COL24A1: variants seen among roughly 807,000 people sequenced by gnomAD.
The protein encoded by COL24A1 is collagen alpha-1(XXIV) chain.
A neutral mutation model predicts 253.9 loss-of-function variants in COL24A1; 224 were observed. The observed-to-expected ratio is 0.88, with a 90% CI of 0.79 to 0.99. COL24A1 has a LOEUF of 0.99. Among genes scored for constraint, COL24A1 ranks in the 50% least tolerant of loss-of-function variants. The probability of loss-of-function intolerance (pLI) is 0.00; values close to 1 mark genes in which losing one functional copy is unlikely to be tolerated. For missense variants in COL24A1, 2,131 were observed against 2,068.5 expected, an observed-to-expected ratio of 1.03 and a Z score of -0.59; for synonymous variants, 685 against 673.7, an observed-to-expected ratio of 1.02 and a Z score of -0.26.
At chr1:85,933,087 TAAAAAAAAAAA>T (rs747954578) in intron 24 of COL24A1, among the ~76,000 whole-genome samples, 1 of 123,630 alleles carries the variant, frequency 8.1e-6, no homozygotes, top group African/African-American at 3.2e-5. Context: ...TAGAGTATAA[TAAAAAAAAAAA>T]AAAGAAAGAA....
intron 43 of COL24A1, among the ~76,000 whole-genome samples, chr1:85,831,747 C>G (rs1020583485): frequency 6.6e-6 from 1 of 151,890 alleles, no homozygotes; most frequent in African/African-American, 2.4e-5. Flanking sequence ...GACATTCTGG[C>G]AGAGGCAATA....
intron 43 of COL24A1, among the ~76,000 whole-genome samples, chr1:85,830,646 C>G (rs759717010): frequency 3.9e-5 from 6 of 152,106 alleles, no homozygotes; most frequent in African/African-American, 1.4e-4. Context: ...TAAAGCCCGT[C>G]GGAAAAGCGC....
chr1:85,822,289 T>C (rs532670092), intron 45 of COL24A1, among the ~76,000 whole-genome samples: 40 of 152,274 alleles, frequency 2.6e-4, no homozygotes, highest in South Asian at 1.9e-3. Flanking sequence ...AACACAAATA[T>C]GGGTGAAGGC....
At position 85,855,544 on chromosome 1, in the gene COL24A1, C is replaced by T. The variant is rs550859456; in HGVS notation, c.3301-6138G>A. On this transcript the variant is annotated intron_variant, in intron 37 of 59. Transcript: ENST00000370571. ...ATTTACATATGTTGAACCAATCTTG[C>T]ATCCCAGGAATAAAGCCTACTTGAT... 5.9e-5 allele frequency among the ~76,000 whole-genome samples: 9 copies of T among 152,292 alleles called. No homozygotes were observed. In the South Asian group the frequency reaches 1.9e-3, roughly 32 times the overall value.
intron 47 of COL24A1, among the ~76,000 whole-genome samples, chr1:85,810,787 G>T (rs929588535): frequency 3.3e-5 from 5 of 152,248 alleles, no homozygotes; most frequent in African/African-American, 1.2e-4. Flanking sequence ...CTTAAAAGCT[G>T]AATAGGTTCC....
At chr1:85,818,301 T>TC (rs1487959099) in intron 45 of COL24A1, among the ~76,000 whole-genome samples, 5 of 152,236 alleles carry the variant, frequency 3.3e-5, no homozygotes, top group Non-Finnish European at 5.9e-5. Context: ...CTTGTAGCTC[T>TC]CAATTATATG....
At chr1:85,935,403 G>A (rs1173826421) in intron 24 of COL24A1, among the ~76,000 whole-genome samples, 1 of 147,410 alleles carries the variant, frequency 6.8e-6, no homozygotes, top group African/African-American at 2.5e-5. Context: ...GTAATACTAT[G>A]ACTTGACAAG....
chr1:85,759,060 T>C (rs1570481969), intron 55 of COL24A1, among the ~76,000 whole-genome samples: 1 of 152,162 alleles, frequency 6.6e-6, no homozygotes, highest in African/African-American at 2.4e-5. Context: ...ATTGGTCTTA[T>C]GATCCGCTGA....
At chr1:85,892,237 T>A (rs193215261) in intron 31 of COL24A1, among the ~76,000 whole-genome samples, 5 of 151,994 alleles carry the variant, frequency 3.3e-5, no homozygotes, top group Non-Finnish European at 7.4e-5. Context: ...GGGATTAATT[T>A]TATATATATA....
intron 11 of COL24A1, among the ~76,000 whole-genome samples, chr1:86,047,896 G>A (rs1185997781): frequency 6.6e-6 from 1 of 152,052 alleles, no homozygotes; most frequent in Non-Finnish European, 1.5e-5. Context: ...TGTAGCTTGA[G>A]ATTAATAGTA....
chr1:85,851,078 T>C (rs1273426473), intron 37 of COL24A1, among the ~76,000 whole-genome samples: 2 of 150,956 alleles, frequency 1.3e-5, no homozygotes, highest in Non-Finnish European at 3.0e-5. Context: ...TTATCCAAAC[T>C]CATCACCCTT....
intron 24 of COL24A1, among the ~76,000 whole-genome samples, chr1:85,912,800 TGACACATACTGTAAATGTAAAA>T (rs916004551): frequency 6.6e-6 from 1 of 152,198 alleles, no homozygotes; most frequent in African/African-American, 2.4e-5. Flanking sequence ...TAGTGCAAAT[TGACACATACTGTAAATGTAAAA>T]GACACCAGAT....
At chr1:85,904,736 A>G (rs1684641050) in intron 28 of COL24A1, among the ~76,000 whole-genome samples, 1 of 152,076 alleles carries the variant, frequency 6.6e-6, no homozygotes, top group Non-Finnish European at 1.5e-5. Context: ...AAGGTTACTT[A>G]TTTCTTGAGA....
At chr1:85,994,363 C>A (rs1239261139) in intron 19 of COL24A1, among the ~76,000 whole-genome samples, 1 of 150,140 alleles carries the variant, frequency 6.7e-6, no homozygotes, top group African/African-American at 2.4e-5. Flanking sequence ...AAAAATAAAT[C>A]CTATTTGAAT....
chr1:85,853,298 T>G (rs1407316839), intron 37 of COL24A1, among the ~76,000 whole-genome samples: 1 of 152,206 alleles, frequency 6.6e-6, no homozygotes, highest in East Asian at 1.9e-4. Context: ...AAGGACATGA[T>G]CTTGTTCTTT....
intron 7 of COL24A1, among the ~76,000 whole-genome samples, chr1:86,082,351 T>C (rs1702700506): frequency 6.6e-6 from 1 of 152,160 alleles, no homozygotes; most frequent in Non-Finnish European, 1.5e-5. Context: ...AACAAAGAAG[T>C]GCTTCTTACC....
In COL24A1 at chr1:86,115,499, T is replaced by C. The variant is rs1706055961; in HGVS notation, c.1492-121A>G. ...TCAGTCCCCAGTTCCCAGCTGGTGA[T>C]GATTTTTAAGTAACACGAACCCCCT... On this transcript the variant is annotated intron_variant, in intron 3 of 59. Transcript: ENST00000370571. 3.3e-6 allele frequency: 3 copies of C among 918,164 alleles called. No individual in the cohort carries two copies. The South Asian group carries it at 4.8e-5, about 15-fold the overall frequency. 56.9% of individuals were successfully genotyped at this position (918,164 alleles called of 1,614,324 possible).
chr1:86,002,281 C>T (rs372881484), intron 19 of COL24A1, among the ~76,000 whole-genome samples: 2 of 152,148 alleles, frequency 1.3e-5, no homozygotes, highest in Non-Finnish European at 2.9e-5. Context: ...ATTACAGCAT[C>T]GCTGAATTCA....
intron 37 of COL24A1, among the ~76,000 whole-genome samples, chr1:85,858,649 T>TTCCTTCCC (rs1227368821): frequency 6.7e-6 from 1 of 149,148 alleles, no homozygotes; most frequent in Non-Finnish European, 1.5e-5. Context: ...CCTTCCTTCC[T>TTCCTTCCC]TCCTTCCTTC....
Sources: gnomAD v4.1 joint callset for allele counts (sites outside exome capture counted in the v4.1 genomes callset) on GRCh38, gnomAD v4.1.1 for gene constraint, MANE v1.5 for transcripts, NCBI Gene and HGNC (gene_info 2026-07-23, HGNC 2026-07-21) for gene names.